NDE1: variants seen among roughly 807,000 people sequenced by gnomAD.
NDE1 encodes the protein nuclear distribution protein nudE homolog 1.
Under a neutral mutation model 43.4 loss-of-function variants are expected in NDE1, and 28 were observed. The ratio of observed to expected loss-of-function variants is 0.65; its 90% CI spans 0.48 to 0.89. The LOEUF is 0.89. Ranked by LOEUF, NDE1 falls within the 40% of genes least tolerant of loss-of-function variation. The pLI is 0.00. For missense variants in NDE1, 441 were observed against 434.1 expected (o/e 1.02, Z -0.14); for synonymous variants, 184 against 172.0 (o/e 1.07, Z -0.55).
At chr16:15,709,881 A>T (rs1050870516) in intron 8 of NDE1, among the ~76,000 whole-genome samples, 2 of 152,114 alleles carry the variant, frequency 1.3e-5, no homozygotes, top group African/African-American at 4.8e-5. Context: ...CTCTTGCCGG[A>T]GGTAACTGGC....
chr16:15,696,217 T>A (rs2039005203), intron 7 of NDE1, among the ~76,000 whole-genome samples: 1 of 151,014 alleles, frequency 6.6e-6, no homozygotes, highest in African/African-American at 2.4e-5. Context: ...GCATTAAAAA[T>A]TTTTTTTATT....
At chr16:15,658,235 AAG>A (rs2036868028) in intron 1 of NDE1, among the ~76,000 whole-genome samples, 1 of 152,194 alleles carries the variant, frequency 6.6e-6, no homozygotes, top group South Asian at 2.1e-4. Flanking sequence ...CCCTAGTGGA[AAG>A]AGAGTTTCAT....
At chr16:15,679,023 G>T (rs1366031205) in intron 4 of NDE1, among the ~76,000 whole-genome samples, 1 of 152,104 alleles carries the variant, frequency 6.6e-6, no homozygotes, top group Non-Finnish European at 1.5e-5. Flanking sequence ...CGTGTAGTGA[G>T]CCGAGATTGC....
intron 8 of NDE1, chr16:15,713,695 GC>G (rs1192566484): frequency 1.3e-5 from 2 of 152,240 alleles, no homozygotes; most frequent in African/African-American, 2.4e-5. Context: ...ATGGGGTCTT[GC>G]TGCTCTTGAA....
chr16:15,675,818 T>A (rs77146552), intron 3 of NDE1, among the ~76,000 whole-genome samples: 2,021 of 152,040 alleles, frequency 0.013, 17 homozygotes, highest in East Asian at 0.034. Flanking sequence ...ATTGAAATGG[T>A]TTGGGGCTGG....
Position 15,724,480 on chromosome 16 carries a change from T to A in NDE1, c.*229T>A. 1 of 1,609,496 alleles carries A rather than the reference T, an allele frequency of 6.2e-7. No individual in the cohort carries two copies. Among genetic ancestry groups the A allele is most frequent in the Non-Finnish European group, 8.5e-7 (1 of 1,178,552 alleles). ...GGCCCCTGTCCCTGGCCCCACAGAC[T>A]CTGAGAAGCGAAGACCATGTCTCCT... On this transcript the variant is annotated 3_prime_UTR_variant, in exon 9 of 9. Transcript: ENST00000396354.
At chr16:15,673,150 G>A (rs999327166) in intron 3 of NDE1, among the ~76,000 whole-genome samples, 3 of 151,968 alleles carry the variant, frequency 2.0e-5, no homozygotes, top group Admixed American at 6.6e-5. Context: ...TAGACCTTGC[G>A]CCTTTCTTGT....
At chr16:15,659,208 C>T (rs1197227497) in intron 1 of NDE1, among the ~76,000 whole-genome samples, 1 of 152,094 alleles carries the variant, frequency 6.6e-6, no homozygotes, top group Admixed American at 6.6e-5. Flanking sequence ...GTCATTGGCT[C>T]AACATGGGTG....
At chr16:15,663,888 G>A (rs952477152) in intron 1 of NDE1, among the ~76,000 whole-genome samples, 7 of 151,994 alleles carry the variant, frequency 4.6e-5, no homozygotes, top group South Asian at 2.1e-4. Context: ...CCAACATGGT[G>A]AAACCCTGTC....
At chr16:15,662,540 C>T (rs373782960) in intron 1 of NDE1, among the ~76,000 whole-genome samples, 1 of 152,000 alleles carries the variant, frequency 6.6e-6, no homozygotes, top group Non-Finnish European at 1.5e-5. Context: ...GCCTCGGCCT[C>T]CCAAAGTGCT....
At chr16:15,653,075 C>T (rs2036583331) in intron 1 of NDE1, among the ~76,000 whole-genome samples, 1 of 152,162 alleles carries the variant, frequency 6.6e-6, no homozygotes, top group African/African-American at 2.4e-5. Flanking sequence ...TACCCCCATT[C>T]TGGTGCATCC....
intron 3 of NDE1, among the ~76,000 whole-genome samples, chr16:15,668,861 G>A (rs1021759262): frequency 1.9e-4 from 29 of 152,056 alleles, no homozygotes; most frequent in South Asian, 4.1e-4. Flanking sequence ...ATCATCCTCC[G>A]TTGGGAGGGA....
chr16:15,648,341 C>G (rs985629618), upstream of NDE1, among the ~76,000 whole-genome samples: 13 of 151,938 alleles, frequency 8.6e-5, no homozygotes, highest in African/African-American at 3.1e-4. Context: ...ACCCACTAAC[C>G]AGAATGTTCG....
At chr16:15,717,563 G>C (rs1245798979) in intron 8 of NDE1, 2 of 601,830 alleles carry the variant, frequency 3.3e-6, no homozygotes, top group Non-Finnish European at 5.9e-6. Context: ...TGGAAGCAGA[G>C]GCAGGTAAAT....
At chr16:15,667,225 G>A in intron 2 of NDE1, 61 bp from the exon 3 acceptor site, 1 of 1,583,312 alleles carries the variant, frequency 6.3e-7, no homozygotes, top group Non-Finnish European at 8.7e-7. Context: ...CAGCCTGGGT[G>A]ATAGAGCGAG....
intron 1 of NDE1, among the ~76,000 whole-genome samples, chr16:15,658,119 T>A (rs1230160526): frequency 6.6e-6 from 1 of 152,178 alleles, no homozygotes; most frequent in African/African-American, 2.4e-5. Context: ...CTGTTTTGGC[T>A]TCACTCTGAG....
At chr16:15,718,574 A>G in intron 8 of NDE1, 1 of 1,303,766 alleles carries the variant, frequency 7.7e-7, no homozygotes, top group South Asian at 1.5e-5. Flanking sequence ...AGATTAGAAG[A>G]CTCATCTGTA....
At chr16:15,706,302 G>T (rs1295519445) in intron 8 of NDE1, among the ~76,000 whole-genome samples, 1 of 152,046 alleles carries the variant, frequency 6.6e-6, no homozygotes, top group Admixed American at 6.6e-5. Context: ...TTTTCCAAGC[G>T]CTTGACTCAG....
intron 7 of NDE1, chr16:15,696,134 A>G (rs897870329): frequency 1.2e-5 from 1 of 86,568 alleles, no homozygotes; most frequent in Non-Finnish European, 2.2e-5. Flanking sequence ...TTGAGGCTGC[A>G]GTGAGCCGTG....
Sources: gnomAD v4.1 joint callset for allele counts (sites outside exome capture counted in the v4.1 genomes callset) on GRCh38, gnomAD v4.1.1 for gene constraint, MANE v1.5 for transcripts, NCBI Gene and HGNC (gene_info 2026-07-23, HGNC 2026-07-21) for gene names.